TRDN: variants seen among roughly 807,000 people sequenced by gnomAD.
TRDN encodes triadin in skeletal muscle.
In TRDN, 161 loss-of-function variants were observed where a neutral mutation model predicts 149.7. The ratio of observed to expected loss-of-function variants is 1.08; its 90% CI spans 0.95 to 1.23. The LOEUF (loss-of-function observed/expected upper bound fraction) is 1.23. Ranked by LOEUF, TRDN falls within the 50% of genes most tolerant of loss-of-function variation. The pLI is 0.00. For synonymous variants in TRDN, 294 were observed against 250.5 expected, an observed-to-expected ratio of 1.17 and a Z score of -1.64; for missense variants, 896 against 823.5, an observed-to-expected ratio of 1.09 and a Z score of -1.08.
At chr6:123,406,514 T>C (rs904214168) in intron 12 of TRDN, among the ~76,000 whole-genome samples, 3 of 151,874 alleles carry the variant, frequency 2.0e-5, no homozygotes, top group Non-Finnish European at 4.4e-5. Context: ...TTTTAAACTA[T>C]AAATTTTAAT....
At chr6:123,634,681 G>T (rs1262238971) in intron 1 of TRDN, among the ~76,000 whole-genome samples, 1 of 151,772 alleles carries the variant, frequency 6.6e-6, no homozygotes, top group Non-Finnish European at 1.5e-5. Flanking sequence ...GAATGACTGT[G>T]CTTCCTTAAA....
chr6:123,378,257 G>T (rs1245121063), intron 16 of TRDN, among the ~76,000 whole-genome samples: 5 of 152,110 alleles, frequency 3.3e-5, no homozygotes. Flanking sequence ...AAGTACAAAA[G>T]ATAATTATTA....
chr6:123,530,037 C>T (rs900245620), intron 5 of TRDN, among the ~76,000 whole-genome samples: 1 of 151,962 alleles, frequency 6.6e-6, no homozygotes, highest in Non-Finnish European at 1.5e-5. Context: ...CCTCTTGAGG[C>T]TGTGCAGGAG....
rs779523233 is a variant in TRDN at position 123,503,744 on chromosome 6, T to A, written c.768A>T (p.Ala256=). 6.2e-7 allele frequency: 1 copy of A among 1,613,808 alleles called. No individual in the cohort carries two copies. The highest frequency in any genetic ancestry group is 2.2e-5 in the East Asian group (1 of 44,838). The change falls in exon 8 of 41, where the codon GCA becomes GCT. Residue 256 remains alanine, a synonymous_variant. Transcript: ENST00000334268. The part of the protein sequence containing the change: ...KPKEKEDKEK[A]AVSKHEQKDQ... ...CTTTCTGTTCATGCTTTGACACAGCTGCTTTCTCTTTGTCCTCCTTTTCTT... is the reference window on the plus strand; with the variant it reads ...CTTTCTGTTCATGCTTTGACACAGCAGCTTTCTCTTTGTCCTCCTTTTCTT...
chr6:123,458,158 A>T (rs1345931259), intron 10 of TRDN, among the ~76,000 whole-genome samples: 1 of 152,296 alleles, frequency 6.6e-6, no homozygotes, highest in Middle Eastern at 3.4e-3. Flanking sequence ...TCTTTGTGTT[A>T]TCCATCTCTC....
At position 123,217,270 on chromosome 6, in the gene TRDN, T is replaced by G. The variant is rs534166825; in HGVS notation, c.*1331A>C. The stretch of plus-strand genomic sequence containing the variant: ...TAGTGACTGTTTTATATCTTGGTCC[T>G]AAAGAACCGTAGTTAGTGGCAATCC... On this transcript the variant is annotated 3_prime_UTR_variant, in exon 41 of 41. Transcript: ENST00000334268. 6.6e-6 allele frequency: 1 copy of G among 152,012 alleles called. No homozygotes were observed. Among genetic ancestry groups the G allele is most frequent in the Non-Finnish European group, 1.5e-5 (1 of 67,948 alleles). 9.4% of individuals were successfully genotyped at this position (152,012 alleles called of 1,614,324 possible).
At chr6:123,470,031 T>C (rs1162889000) in intron 9 of TRDN, 1 of 152,214 alleles carries the variant, frequency 6.6e-6, no homozygotes, top group African/African-American at 2.4e-5. Flanking sequence ...TTAAAATTTA[T>C]GATGCTAAGC....
At chr6:123,368,587 G>A (rs1199378432) in intron 19 of TRDN, among the ~76,000 whole-genome samples, 1 of 152,106 alleles carries the variant, frequency 6.6e-6, no homozygotes, top group African/African-American at 2.4e-5. Flanking sequence ...GGGAGTCACT[G>A]ATATACACAA....
At chr6:123,422,041 C>T (rs1184940987) in intron 12 of TRDN, among the ~76,000 whole-genome samples, 2 of 151,850 alleles carry the variant, frequency 1.3e-5, no homozygotes, top group Non-Finnish European at 2.9e-5. Flanking sequence ...AATTAAAAAC[C>T]AATACAGAAT....
intron 37 of TRDN, among the ~76,000 whole-genome samples, chr6:123,253,505 A>G (rs1776450990): frequency 6.6e-6 from 1 of 152,146 alleles, no homozygotes; most frequent in African/African-American, 2.4e-5. Context: ...TATGAAATAA[A>G]TAATTTGGAA....
chr6:123,470,467 T>A (rs1183803129), intron 9 of TRDN: 1 of 152,034 alleles, frequency 6.6e-6, no homozygotes, highest in Non-Finnish European at 1.5e-5. Flanking sequence ...CTTACACTAG[T>A]GATGGAAGGA....
At chr6:123,343,323 A>G (rs1000824552) in intron 21 of TRDN, among the ~76,000 whole-genome samples, 2 of 151,974 alleles carry the variant, frequency 1.3e-5, no homozygotes, top group Non-Finnish European at 2.9e-5. Flanking sequence ...TTCTATAACA[A>G]TGTTATTCAT....
In TRDN at chr6:123,433,182, T is replaced by TATATATAC. The variant is rs1562310492; in HGVS notation, c.1051+4880_1051+4881insGTATATAT. Reference sequence around the variant, plus strand: ...TATATAATATATATATATATATATATACATCACACAATGATCCAGCAATCA... The same window carrying TATATATAC: ...TATATAATATATATATATATATATATATATATACACATCACACAATGATCCAGCAATCA... On this transcript the variant is annotated intron_variant, in intron 12 of 40. Coordinates refer to ENST00000334268, the MANE Select transcript of TRDN (RefSeq NM_006073.4). 1.3e-3 allele frequency among the ~76,000 whole-genome samples: 190 copies of TATATATAC among 143,316 alleles called. 3 individuals are homozygous for TATATATAC. Among genetic ancestry groups the TATATATAC allele is most frequent in the African/African-American group, 4.6e-3 (177 of 38,166 alleles). The allele number at this position is 143,316 out of a possible 152,430, so 94.0% of individuals were successfully genotyped here. A position where few individuals can be genotyped will look rare whatever the true frequency, so the allele number is the denominator to read the frequency against.
At chr6:123,382,057 A>G (rs886269952) in intron 15 of TRDN, 61 bp downstream of exon 15, 3 of 1,266,290 alleles carry the variant, frequency 2.4e-6, no homozygotes, top group Non-Finnish European at 3.1e-6. Flanking sequence ...ATCCTTTAAG[A>G]AGGTATGCTG....
At chr6:123,521,705 C>T (rs562607333) in intron 5 of TRDN, among the ~76,000 whole-genome samples, 2 of 152,194 alleles carry the variant, frequency 1.3e-5, no homozygotes, top group East Asian at 3.9e-4. Context: ...GGACTGATGT[C>T]AGCTTAGCTT....
intron 21 of TRDN, chr6:123,350,354 T>C: frequency 1.1e-6 from 1 of 941,290 alleles, no homozygotes; most frequent in Non-Finnish European, 1.3e-6. Flanking sequence ...TCACAAAGTG[T>C]ACTTAAACTC....
At chr6:123,291,483 T>C (rs971043430) in intron 24 of TRDN, among the ~76,000 whole-genome samples, 47 of 152,076 alleles carry the variant, frequency 3.1e-4, no homozygotes, top group African/African-American at 1.1e-3. Flanking sequence ...GAGAATGGCA[T>C]GAACCCGGGA....
intron 4 of TRDN, among the ~76,000 whole-genome samples, chr6:123,546,248 TCA>T (rs1464564526): frequency 6.6e-6 from 1 of 152,136 alleles, no homozygotes; most frequent in East Asian, 1.9e-4. Context: ...TCCTTTCTCC[TCA>T]CAGAGCTTTA....
chr6:123,364,405 G>A (rs1052431306), intron 20 of TRDN, among the ~76,000 whole-genome samples: 3 of 152,160 alleles, frequency 2.0e-5, no homozygotes, highest in African/African-American at 7.2e-5. Flanking sequence ...TTGAGAGGCT[G>A]AGGCGGGCAG....
Sources: gnomAD v4.1 joint callset for allele counts (sites outside exome capture counted in the v4.1 genomes callset) on GRCh38, gnomAD v4.1.1 for gene constraint, MANE v1.5 for transcripts, NCBI Gene and HGNC (gene_info 2026-07-23, HGNC 2026-07-21) for gene names.